The following STARD10 variants were observed in gnomAD, a reference collection of about 807,000 sequenced individuals.
STARD10 encodes the protein StAR related lipid transfer domain containing 10.
In STARD10, 24 loss-of-function variants were observed where a neutral mutation model predicts 36.0. The observed-to-expected ratio is 0.67, with a 90% CI of 0.48 to 0.94. The LOEUF (loss-of-function observed/expected upper bound fraction) is 0.94, where lower values mean the gene tolerates loss of function less well. Among genes scored for constraint, STARD10 ranks in the 40% least tolerant of loss-of-function variants. The pLI, the probability that STARD10 is intolerant of heterozygous loss-of-function variation, is 0.00. For synonymous variants in STARD10, 156 were observed against 161.9 expected, an observed-to-expected ratio of 0.96 and a Z score of 0.28; for missense variants, 335 against 396.6, an observed-to-expected ratio of 0.84 and a Z score of 1.32.
In STARD10 at chr11:72,758,649, G is replaced by A. The variant is rs1858679377; in HGVS notation, c.356-16C>T. On this transcript the variant is annotated splice_polypyrimidine_tract_variant and intron_variant, in intron 3 of 6. Coordinates refer to ENST00000334805, the MANE Select transcript of STARD10 (RefSeq NM_006645.3). ...GGACACCTCCCTGTGGGGGGCAAGG[G>A]ACAGTTCAGCCAGACCACTGGTCCA... 4 of 1,593,796 alleles carry A rather than the reference G, an allele frequency of 2.5e-6. No homozygotes were observed. The highest frequency in any genetic ancestry group is 3.4e-6 in the Non-Finnish European group (4 of 1,163,290).
chr11:72,781,254 C>T lies in STARD10; in HGVS notation c.-73G>A, dbSNP rs1858993017. ...GGGTCCTCCGCGGAGGCTCCGACAA[C>T]GTCGACGCGGCTGCAGATGCTGACG... On this transcript the variant is annotated 5_prime_UTR_variant, in exon 2 of 7. Coordinates refer to ENST00000334805, the MANE Select transcript of STARD10 (RefSeq NM_006645.3). The surrounding 1 kb of genome is among the most constrained non-coding windows in gnomAD (Gnocchi z 4.7). 7.3e-7 allele frequency: 1 copy of T among 1,365,554 alleles called. No homozygotes were observed. The highest frequency in any genetic ancestry group is 1.0e-6 in the Non-Finnish European group (1 of 987,420). The allele number at this position is 1,365,554 out of a possible 1,614,324, so 84.6% of individuals were successfully genotyped here.
At chr11:72,756,900 C>T (rs1288460686) in intron 5 of STARD10, among the ~76,000 whole-genome samples, 1 of 152,120 alleles carries the variant, frequency 6.6e-6, no homozygotes, top group African/African-American at 2.4e-5. Flanking sequence ...AATCCCAGCA[C>T]TTTGGGAGGC....
In STARD10 at chr11:72,780,955, G is replaced by C. The variant is rs1373520783; in HGVS notation, c.207+20C>G. The C allele has an allele frequency of 6.2e-7, 1 of 1,613,282 alleles. No individual in the cohort carries two copies. The highest frequency in any genetic ancestry group is 1.7e-5 in the Admixed American group (1 of 60,020). On this transcript the variant is annotated intron_variant, in intron 2 of 6. Coordinates refer to ENST00000334805, the MANE Select transcript of STARD10 (RefSeq NM_006645.3). ...CAGTAAGGGTGCAGTGGAGGCTGCA[G>C]GTATAGCGGGCAACCCTACCTTGAT...
intron 1 of STARD10, among the ~76,000 whole-genome samples, chr11:72,792,308 G>T (rs1294833178): frequency 6.6e-6 from 1 of 151,982 alleles, no homozygotes; most frequent in Non-Finnish European, 1.5e-5. Flanking sequence ...GCTCGCCTCA[G>T]CCTCCCAAAG....
chr11:72,757,719 TG>T (rs778829466), intron 5 of STARD10, 47 bp downstream of exon 5: 3 of 1,543,820 alleles, frequency 1.9e-6, no homozygotes. Flanking sequence ...CCCACCCCTG[TG>T]GTATAGGGAA....
chr11:72,765,874 G>T (rs1465519871), intron 2 of STARD10: 1 of 150,798 alleles, frequency 6.6e-6, no homozygotes, highest in African/African-American at 2.5e-5. Flanking sequence ...CCAGCTACTC[G>T]GAAGGCTGAG....
In STARD10 at chr11:72,775,882, G is replaced by C. The variant is rs147964752; in HGVS notation, c.207+5093C>G. Among the ~76,000 whole-genome samples, 451 of 152,238 alleles carry C rather than the reference G, an allele frequency of 3.0e-3. 1 individual carries two copies. The highest frequency in any genetic ancestry group is 0.01 in the African/African-American group (427 of 41,532). ...GAGAACTTGCCCAGGGCCACACAGC[G>C]AGGACTCTGGATCCTGGTGTTCTTT... On this transcript the variant is annotated intron_variant, in intron 2 of 6. Coordinates refer to ENST00000334805, the MANE Select transcript of STARD10 (RefSeq NM_006645.3).
At chr11:72,780,778 C>T (rs1322841502) in intron 2 of STARD10, 197 bp downstream of exon 2, 15 of 613,562 alleles carry the variant, frequency 2.4e-5, no homozygotes, top group Non-Finnish European at 3.8e-5. Context: ...GTCACTCCTG[C>T]TCTCCAGGCC....
intron 1 of STARD10, among the ~76,000 whole-genome samples, chr11:72,785,135 C>T (rs992644585): frequency 4.6e-5 from 7 of 152,148 alleles, no homozygotes; most frequent in Non-Finnish European, 7.4e-5. Context: ...CCAGCCACCC[C>T]ATGACCTGGT....
intron 2 of STARD10, among the ~76,000 whole-genome samples, chr11:72,772,294 A>G (rs1858872290): frequency 6.7e-6 from 1 of 148,348 alleles, no homozygotes; most frequent in Non-Finnish European, 1.5e-5. Flanking sequence ...CGGTGCTGCC[A>G]TAGTGGGCAT....
chr11:72,758,662 G>A (rs1406001046), intron 3 of STARD10, 29 bp from the exon 4 acceptor site: 18 of 1,542,570 alleles, frequency 1.2e-5, no homozygotes, highest in Non-Finnish European at 1.5e-5. Context: ...AGTTCAGCCA[G>A]ACCACTGGTC....
intron 2 of STARD10, among the ~76,000 whole-genome samples, chr11:72,773,603 C>T (rs970530936): frequency 1.2e-4 from 18 of 152,150 alleles, no homozygotes; most frequent in African/African-American, 3.9e-4. Flanking sequence ...GCCCCTGTCC[C>T]GGGGCTGTCA....
chr11:72,784,468 C>T (rs1859046332), intron 1 of STARD10, among the ~76,000 whole-genome samples: 1 of 152,150 alleles, frequency 6.6e-6, no homozygotes, highest in South Asian at 2.1e-4. Context: ...AGTTTCACCC[C>T]CAGATAAGTA....
chr11:72,757,231 G>T (rs1003536127), intron 5 of STARD10, among the ~76,000 whole-genome samples: 1 of 152,150 alleles, frequency 6.6e-6, no homozygotes, highest in Non-Finnish European at 1.5e-5. Flanking sequence ...TCTGGGCATG[G>T]GTGACTGAAA....
intron 2 of STARD10, among the ~76,000 whole-genome samples, chr11:72,765,460 A>G (rs776469048): frequency 1.3e-4 from 20 of 152,104 alleles, no homozygotes; most frequent in Admixed American, 2.6e-4. Context: ...AGCCACAATC[A>G]GAAGGGACTG....
rs1431743103 is a variant in STARD10 at position 72,793,657 on chromosome 11, T to A, written c.-896A>T. On this transcript the variant is annotated 5_prime_UTR_variant, in exon 1 of 7. Coordinates refer to ENST00000334805, the MANE Select transcript of STARD10 (RefSeq NM_006645.3). Reference sequence around the variant, plus strand: ...CCGTTAGGTTACTATTTATTACGGTTATCTTCGCTCAGGCGCCCCCACGTG... The same window carrying A: ...CCGTTAGGTTACTATTTATTACGGTAATCTTCGCTCAGGCGCCCCCACGTG... 1.3e-5 allele frequency: 2 copies of A among 152,248 alleles called. No homozygotes were observed. The highest frequency in any genetic ancestry group is 2.9e-5 in the Non-Finnish European group (2 of 68,044). 9.4% of individuals were successfully genotyped at this position (152,248 alleles called of 1,614,324 possible).
At chr11:72,773,666 C>T (rs1457520774) in intron 2 of STARD10, among the ~76,000 whole-genome samples, 1 of 152,164 alleles carries the variant, frequency 6.6e-6, no homozygotes. Flanking sequence ...CTGAGGAGCT[C>T]AGTGTCTGCC....
chr11:72,786,397 T>C (rs2135040033), intron 1 of STARD10, among the ~76,000 whole-genome samples: 1 of 152,044 alleles, frequency 6.6e-6, no homozygotes, highest in East Asian at 1.9e-4. Context: ...CCAAGAACTC[T>C]GAGGCCCCCA....
chr11:72,780,111 A>G, intron 2 of STARD10: 1 of 405,842 alleles, frequency 2.5e-6, no homozygotes, highest in Middle Eastern at 3.6e-4. Context: ...TGCAGCACCC[A>G]CAGCAACATC....
Sources: allele counts gnomAD v4.1 joint callset (sites outside exome capture counted in the v4.1 genomes callset), GRCh38; gene constraint gnomAD v4.1.1; non-coding constraint Gnocchi (gnomAD v3.1); transcripts MANE v1.5; gene names NCBI Gene and HGNC (gene_info 2026-07-23, HGNC 2026-07-21).